The following P4HA3 variants were observed in gnomAD, a reference collection of about 807,000 sequenced individuals.
P4HA3 encodes the protein prolyl 4-hydroxylase subunit alpha 3.
Under a neutral mutation model 66.7 loss-of-function variants are expected in P4HA3, and 60 were observed. The observed-to-expected ratio is 0.90, with a 90% CI of 0.73 to 1.12. P4HA3 has a LOEUF of 1.12. Among genes scored for constraint, P4HA3 ranks in the 50% most tolerant of loss-of-function variants. P4HA3 has a pLI of 0.00. For synonymous variants in P4HA3, 263 were observed against 274.6 expected (o/e 0.96, Z 0.42); for missense variants, 683 against 685.8 (o/e 1.00, Z 0.05).
downstream of P4HA3, among the ~76,000 whole-genome samples, chr11:74,263,505 T>C (rs1435532387): frequency 1.3e-5 from 2 of 152,330 alleles, no homozygotes; most frequent in African/African-American, 4.8e-5. Context: ...TGGTGACAGA[T>C]TGACATGGAT....
At position 74,267,595 on chromosome 11, in the gene P4HA3, C is replaced by G. The variant is rs553895277; in HGVS notation, c.1565-277G>C. Among the ~76,000 whole-genome samples, 15 of 152,338 alleles carry G rather than the reference C, an allele frequency of 9.8e-5. No homozygotes were observed. The South Asian group carries it at 3.1e-3, about 32-fold the overall frequency. On this transcript the variant is annotated intron_variant, in intron 12 of 12. Transcript: ENST00000331597. Reference sequence around the variant, plus strand: ...AACGTTTGGGAACTAAGATCACTCACCCTTCATTTTAGAAGCCCATGTTCC... The same window carrying G: ...AACGTTTGGGAACTAAGATCACTCAGCCTTCATTTTAGAAGCCCATGTTCC...
intron 7 of P4HA3, among the ~76,000 whole-genome samples, chr11:74,283,371 A>G (rs563963180): frequency 6.8e-4 from 104 of 152,324 alleles, no homozygotes; most frequent in Admixed American, 4.1e-3. Context: ...GTTTGCTCCA[A>G]TTCACCAGTG....
At chr11:74,302,615 A>T (rs1470963488) in intron 2 of P4HA3, 23 bp from the exon 3 acceptor site, 4 of 1,591,124 alleles carry the variant, frequency 2.5e-6, no homozygotes, top group Non-Finnish European at 3.4e-6. Flanking sequence ...TAAAAACATC[A>T]ACCCAGCATT....
chr11:74,258,023 T>C (rs1859855043), intron 15 of P4HA3, among the ~76,000 whole-genome samples: 1 of 152,152 alleles, frequency 6.6e-6, no homozygotes, highest in Non-Finnish European at 1.5e-5. Flanking sequence ...GAGCCTACAC[T>C]AGCAGCAGAG....
At chr11:74,306,569 A>T (rs1462859085) in intron 1 of P4HA3, among the ~76,000 whole-genome samples, 3 of 152,234 alleles carry the variant, frequency 2.0e-5, no homozygotes, top group Non-Finnish European at 4.4e-5. Context: ...GCAAGAGCAC[A>T]GGAGACTATG....
chr11:74,311,364 T>C (rs1861738043), intron 1 of P4HA3, 48 bp downstream of exon 1: 2 of 1,441,420 alleles, frequency 1.4e-6, no homozygotes, highest in South Asian at 1.4e-5. Context: ...TGCGGCACAG[T>C]GTATCCCACT....
At chr11:74,262,089 T>C (rs1859916081), downstream of P4HA3, among the ~76,000 whole-genome samples, 1 of 152,142 alleles carries the variant, frequency 6.6e-6, no homozygotes, top group Non-Finnish European at 1.5e-5. Context: ...CATCTGAAAA[T>C]GTGGTGGGCT....
At position 74,302,440 on chromosome 11, in the gene P4HA3, C is replaced by T. The variant is rs1385203025; in HGVS notation, c.496G>A (p.Ala166Thr). ...TTGGGGCTGTACAGGTCAGTGATGG[C>T]AGAGCCAGTGACTCTCTGAAAGACA... is the stretch of plus-strand genomic sequence containing the variant. Reference protein sequence around the residue: ...RGVFQRVTGSAITDLYSPKRL... With the variant: ...RGVFQRVTGSTITDLYSPKRL... The change falls in exon 3 of 13, where the codon GCC becomes ACC. Residue 166 changes from alanine (A) to threonine (T), a missense_variant. Physicochemically the swap from Ala to Thr is moderately conservative, Grantham distance 58. Coordinates refer to ENST00000331597, the MANE Select transcript of P4HA3 (RefSeq NM_182904.5). The T allele has an allele frequency of 5.6e-6, 9 of 1,614,034 alleles. No individual in the cohort carries two copies. Among genetic ancestry groups the T allele is most frequent in the Non-Finnish European group, 7.6e-6 (9 of 1,180,032 alleles).
At chr11:74,259,208 G>A (rs1177779377) in intron 15 of P4HA3, among the ~76,000 whole-genome samples, 1 of 152,110 alleles carries the variant, frequency 6.6e-6, no homozygotes, top group Non-Finnish European at 1.5e-5. Context: ...GCGAAACCCC[G>A]TCTCTACTAA....
intron 5 of P4HA3, chr11:74,287,169 G>A (rs150509629): frequency 9.5e-5 from 120 of 1,263,830 alleles, no homozygotes; most frequent in Middle Eastern, 7.6e-4. Context: ...AGAGCTACCC[G>A]TGGCCTGCTG....
Position 74,276,979 on chromosome 11 carries a change from C to T in P4HA3, c.1335+6G>A. 2 of 1,610,424 alleles carry T rather than the reference C, an allele frequency of 1.2e-6. No homozygotes were observed. Among genetic ancestry groups the T allele is most frequent in the South Asian group, 1.1e-5 (1 of 90,660 alleles). ...CCAGGGGATTGGTCATTGACTCCAC[C>T]ATTACCGTAGCATGGTCAAAGTGAG... is the stretch of plus-strand genomic sequence containing the variant. On this transcript the variant is annotated splice_donor_region_variant and intron_variant, in intron 9 of 12. Transcript: ENST00000331597.
In P4HA3 at chr11:74,302,397, G is replaced by A. The variant is rs1405315511; in HGVS notation, c.539C>T (p.Thr180Ile). ...LYSPKRLFSL[T>I]GDDCFQVGKV... ...GCCAACTTGGAAGCAGTCATCCCCTGTGAGAGAAAAGAGCCGTTTGGGGCT... is the reference window on the plus strand; with the variant it reads ...GCCAACTTGGAAGCAGTCATCCCCTATGAGAGAAAAGAGCCGTTTGGGGCT... Residue 180 changes from threonine (T) to isoleucine (I), a missense_variant, in exon 3 of 13, where the codon ACA (threonine) becomes ATA (isoleucine). Coordinates refer to ENST00000331597, the MANE Select transcript of P4HA3 (RefSeq NM_182904.5). 4 of 1,613,830 alleles carry A rather than the reference G, an allele frequency of 2.5e-6. No individual in the cohort carries two copies. The highest frequency in any genetic ancestry group is 3.4e-6 in the Non-Finnish European group (4 of 1,179,990).
At chr11:74,265,872 A>G (rs754312587), downstream of P4HA3, among the ~76,000 whole-genome samples, 10 of 152,226 alleles carry the variant, frequency 6.6e-5, no homozygotes, top group Non-Finnish European at 4.4e-5. Context: ...CACAGCCCCA[A>G]AGCACTTCCC....
Position 74,250,958 on chromosome 11 carries a change from G to A in P4HA3, c.*1319-2957C>T, listed in dbSNP as rs780938616. The A allele has an allele frequency of 1.6e-5, 25 of 1,598,954 alleles. No homozygotes were observed. The South Asian group carries it at 2.8e-4, about 18-fold the overall frequency. On this transcript the variant is annotated intron_variant and NMD_transcript_variant, in intron 15 of 15. Coordinates refer to the P4HA3 transcript ENST00000524388. ...CTTGCTTTGATTCCTCTCCAGGGAAGTTCCAGATGCAGGTCCTACCCCAGT... is the reference window on the plus strand; with the variant it reads ...CTTGCTTTGATTCCTCTCCAGGGAAATTCCAGATGCAGGTCCTACCCCAGT...
intron 1 of P4HA3, among the ~76,000 whole-genome samples, chr11:74,308,751 G>A (rs1031839369): frequency 1.9e-4 from 29 of 151,664 alleles, no homozygotes; most frequent in African/African-American, 6.3e-4. Context: ...AGTTTCACTA[G>A]ATGGTCTTAA....
At chr11:74,302,700 G>C (rs375947070) in intron 2 of P4HA3, 108 bp from the exon 3 acceptor site, 6 of 1,085,396 alleles carry the variant, frequency 5.5e-6, no homozygotes, top group African/African-American at 1.6e-5. Context: ...CATCAAGTTG[G>C]ATTTGTCTTT....
chr11:74,311,582 C>T lies in P4HA3; in HGVS notation c.30G>A (p.Leu10=), dbSNP rs1861754900. ...CTGTCCCGAGCGCCAGCACCGCCAG[C>T]AGCGCCGCCAGCCGCGCCCCAGGAC... is the stretch of plus-strand genomic sequence containing the variant. The part of the protein sequence containing the change: MGPGARLAA[L]LAVLALGTGD... The change falls in exon 1 of 13, where the codon CTG becomes CTA. Residue 10 remains leucine (L), a synonymous_variant. Transcript: ENST00000331597. The T allele has an allele frequency of 1.3e-6, 2 of 1,534,324 alleles. No homozygotes were observed. The highest frequency in any genetic ancestry group is 1.7e-6 in the Non-Finnish European group (2 of 1,152,108).
intron 4 of P4HA3, among the ~76,000 whole-genome samples, chr11:74,296,012 T>C (rs17132921): frequency 0.051 from 7,741 of 152,316 alleles, 499 homozygotes; most frequent in African/African-American, 0.15. Context: ...TTACTTTCAG[T>C]GTCTCAGTTA....
At chr11:74,273,291 C>T (rs1160972805) in intron 10 of P4HA3, among the ~76,000 whole-genome samples, 1 of 152,158 alleles carries the variant, frequency 6.6e-6, no homozygotes, top group Non-Finnish European at 1.5e-5. Context: ...CACTTCCCAT[C>T]CTAATCCACT....
Sources: gnomAD v4.1 joint callset for allele counts (sites outside exome capture counted in the v4.1 genomes callset) on GRCh38, gnomAD v4.1.1 for gene constraint, MANE v1.5 for transcripts, NCBI Gene and HGNC (gene_info 2026-07-23, HGNC 2026-07-21) for gene names.